Variants in BMP7 observed in about 807,000 individuals in gnomAD.
The protein encoded by BMP7 is osteogenic protein 1.
A neutral mutation model predicts 41.2 loss-of-function variants in BMP7; 12 were observed. The observed-to-expected ratio is 0.29, with a 90% confidence interval of 0.19 to 0.47. BMP7 has a LOEUF of 0.47. Ranked by LOEUF, BMP7 falls within the 20% of genes least tolerant of loss-of-function variation. The probability of loss-of-function intolerance (pLI) is 0.99; values close to 1 mark genes in which losing one functional copy is unlikely to be tolerated. For synonymous variants in BMP7, 248 were observed against 250.0 expected (o/e 0.99, Z 0.07); for missense variants, 467 against 606.0 (o/e 0.77, Z 2.41).
chr20:57,176,863 T>C (rs1389543025), intron 4 of BMP7, among the ~76,000 whole-genome samples: 1 of 150,320 alleles, frequency 6.7e-6, no homozygotes, highest in African/African-American at 2.5e-5. Flanking sequence ...TGTCAAAGAG[T>C]GGAACACCAC....
intron 4 of BMP7, 144 bp downstream of exon 4, chr20:57,183,578 T>G: frequency 5.8e-6 from 6 of 1,036,548 alleles, no homozygotes; most frequent in Non-Finnish European, 5.8e-6. Context: ...TAGGGGTGGA[T>G]TTGGGGGTTT....
chr20:57,241,191 T>C (rs189647236), intron 1 of BMP7, among the ~76,000 whole-genome samples: 2 of 152,294 alleles, frequency 1.3e-5, no homozygotes, highest in East Asian at 1.9e-4. Context: ...CTTCCTCACA[T>C]GGGAGCTGCC....
At chr20:57,235,895 G>A (rs113149561) in intron 1 of BMP7, among the ~76,000 whole-genome samples, 10 of 152,238 alleles carry the variant, frequency 6.6e-5, no homozygotes, top group African/African-American at 2.4e-4. Context: ...TGGTGACCCT[G>A]TGGAAAGTGG....
rs762522196 is a variant in BMP7 at position 57,196,933 on chromosome 20, A to T, written c.760+5542T>A. Among the ~76,000 whole-genome samples the T allele has an allele frequency of 2.8e-4, 43 of 151,766 alleles. No homozygotes were observed. The Middle Eastern group carries it at 0.01, about 36-fold the overall frequency. ...ATTTTTTTTTTTGAGACAGAGTCCC[A>T]CTCTGTTGCCCAGGCTGGAGTGCGG... On this transcript the variant is annotated intron_variant, in intron 3 of 6. Coordinates refer to ENST00000395863, the MANE Select transcript of BMP7 (RefSeq NM_001719.3).
chr20:57,183,815 G>A lies in BMP7; in HGVS notation c.865C>T (p.Arg289Cys). The change falls in exon 4 of 7, where the codon CGC becomes TGC. Residue 289 changes from arginine to cysteine, a missense_variant. Arg to Cys is a radical substitution (Grantham distance 180). This residue lies in a region of BMP7 where 407 missense variants were observed against 485.9 expected (regional missense o/e 0.84). Coordinates refer to ENST00000395863, the MANE Select transcript of BMP7 (RefSeq NM_001719.3). ...TTGCTCCCCGTGGACCGGATGCTGCGGAAGTGGACCTCCGTGGCCTTGAAG... is the reference window on the plus strand; with the variant it reads ...TTGCTCCCCGTGGACCGGATGCTGCAGAAGTGGACCTCCGTGGCCTTGAAG... Reference protein sequence around the residue: ...AFFKATEVHFRSIRSTGSKQR... With the variant: ...AFFKATEVHFCSIRSTGSKQR... 1.2e-6 allele frequency: 2 copies of A among 1,614,168 alleles called. No homozygotes were observed. Among genetic ancestry groups the A allele is most frequent in the Non-Finnish European group, 1.7e-6 (2 of 1,180,040 alleles).
rs149031173 is a variant in BMP7, at chr20:57,240,925, T to C, written c.419-12504A>G. ...ATTTGGTAGGGACACAGCCAAACCATATCAGTGACCATCCTGATGGCTGTG... is the reference window on the plus strand; with the variant it reads ...ATTTGGTAGGGACACAGCCAAACCACATCAGTGACCATCCTGATGGCTGTG... On this transcript the variant is annotated intron_variant, in intron 1 of 6. Transcript: ENST00000395863. Among the ~76,000 whole-genome samples, 1,478 of 152,326 alleles carry C rather than the reference T, an allele frequency of 9.7e-3. 14 individuals are homozygous for C. Among genetic ancestry groups the C allele is most frequent in the Non-Finnish European group, 0.014 (943 of 68,030 alleles).
chr20:57,209,286 T>C lies in BMP7; in HGVS notation c.612-6663A>G, dbSNP rs1329548374. Among the ~76,000 whole-genome samples the C allele has an allele frequency of 1.1e-4, 14 of 129,854 alleles. No homozygotes were observed. In the East Asian group the frequency reaches 3.1e-3, roughly 28 times the overall value. The allele number at this position is 129,854 out of a possible 152,430, so 85.2% of individuals were successfully genotyped here. On this transcript the variant is annotated intron_variant, in intron 2 of 6. Transcript: ENST00000395863. ...ATATATATATATATATATATATATA[T>C]GTATATAAATTAACCAGGCGTGGTG...
intron 1 of BMP7, among the ~76,000 whole-genome samples, chr20:57,240,687 G>A (rs551866839): frequency 1.3e-5 from 2 of 152,298 alleles, no homozygotes; most frequent in East Asian, 3.9e-4. Context: ...CAGAATCATG[G>A]CAAGAGGTGA....
intron 1 of BMP7, among the ~76,000 whole-genome samples, chr20:57,247,376 G>A (rs2066094436): frequency 6.6e-6 from 1 of 152,206 alleles, no homozygotes; most frequent in African/African-American, 2.4e-5. Flanking sequence ...GATGGCTGCT[G>A]TGGTTCCAAG....
At chr20:57,226,376 AGCCACCCATGTGTGG>A (rs2066006215) in intron 2 of BMP7, among the ~76,000 whole-genome samples, 1 of 152,208 alleles carries the variant, frequency 6.6e-6, no homozygotes, top group Non-Finnish European at 1.5e-5. Flanking sequence ...TGTCTACCAA[AGCCACCCATGTGTGG>A]GCCCTCTGAC....
At chr20:57,240,792 A>G (rs2066065620) in intron 1 of BMP7, among the ~76,000 whole-genome samples, 1 of 152,198 alleles carries the variant, frequency 6.6e-6, no homozygotes, top group Non-Finnish European at 1.5e-5. Flanking sequence ...AGAATTAGTC[A>G]TTATCACCAA....
At chr20:57,192,633 G>A (rs1041627810) in intron 3 of BMP7, among the ~76,000 whole-genome samples, 4 of 151,880 alleles carry the variant, frequency 2.6e-5, no homozygotes, top group Admixed American at 2.6e-4. Flanking sequence ...CAGGAAGGCA[G>A]GACCTGCATC....
chr20:57,249,765 G>A (rs546462351), intron 1 of BMP7, among the ~76,000 whole-genome samples: 3 of 152,302 alleles, frequency 2.0e-5, no homozygotes, highest in Middle Eastern at 6.8e-3. Context: ...CTACTGTCAT[G>A]TTCACGGATG....
In BMP7 at chr20:57,194,812, G is replaced by A. The variant is rs567105287; in HGVS notation, c.760+7663C>T. ...GTCACCTACCGGGGACCCAATGCTA[G>A]GGAGTACAGAGATGGAGTCCACACC... On this transcript the variant is annotated intron_variant, in intron 3 of 6. Transcript: ENST00000395863. 2.0e-3 allele frequency among the ~76,000 whole-genome samples: 309 copies of A among 152,346 alleles called. 2 individuals are homozygous for A. The highest frequency in any genetic ancestry group is 6.3e-3 in the African/African-American group (262 of 41,582).
chr20:57,230,948 A>C (rs1032492213), intron 1 of BMP7, among the ~76,000 whole-genome samples: 1 of 152,058 alleles, frequency 6.6e-6, no homozygotes, highest in East Asian at 1.9e-4. Flanking sequence ...AAGTGCTGGG[A>C]TTACAGGCGT....
intron 4 of BMP7, among the ~76,000 whole-genome samples, chr20:57,175,669 G>GTGTC (rs1321019665): frequency 6.6e-6 from 1 of 152,212 alleles, no homozygotes; most frequent in African/African-American, 2.4e-5. Context: ...CATTGCAGAA[G>GTGTC]TGTCTGTCTG....
In BMP7 at chr20:57,183,788, G is replaced by C. The variant is rs1450592604; in HGVS notation, c.892C>G (p.Gln298Glu). 6.2e-7 allele frequency: 1 copy of C among 1,614,220 alleles called. No individual in the cohort carries two copies. Among genetic ancestry groups the C allele is most frequent in the East Asian group, 2.2e-5 (1 of 44,884 alleles). Residue 298 changes from glutamine to glutamate, a missense_variant, in exon 4 of 7, where the codon CAG becomes GAG. This residue lies in a region of BMP7 where 407 missense variants were observed against 485.9 expected (regional missense o/e 0.84). Coordinates refer to ENST00000395863, the MANE Select transcript of BMP7 (RefSeq NM_001719.3). ...FRSIRSTGSKQRSQNRSKTPK... is the reference protein window; with the variant it reads ...FRSIRSTGSKERSQNRSKTPK... ...GTCTTGGAGCGGTTCTGGCTGCGCT[G>C]TTTGCTCCCCGTGGACCGGATGCTG...
At chr20:57,217,247 C>T (rs1038230643) in intron 2 of BMP7, among the ~76,000 whole-genome samples, 1 of 151,974 alleles carries the variant, frequency 6.6e-6, no homozygotes. Context: ...TGAGCCCGCT[C>T]CCTAAGCCCA....
intron 4 of BMP7, chr20:57,177,687 G>A (rs1218082204): frequency 3.3e-5 from 5 of 152,162 alleles, no homozygotes; most frequent in Non-Finnish European, 7.4e-5. Flanking sequence ...GGAAAGATAT[G>A]CACACCAATA....
Sources: gnomAD v4.1 joint callset for allele counts (sites outside exome capture counted in the v4.1 genomes callset) on GRCh38, gnomAD v4.1.1 for gene constraint, gnomAD v4.1.1 regional missense constraint, MANE v1.5 for transcripts, NCBI Gene and HGNC (gene_info 2026-07-23, HGNC 2026-07-21) for gene names.